The following KIF5C variants were observed in gnomAD, a reference collection of about 807,000 sequenced individuals.
KIF5C encodes kinesin heavy chain isoform 5C.
In KIF5C, 18 loss-of-function variants were observed where a neutral mutation model predicts 125.2. The ratio of observed to expected loss-of-function variants is 0.14; its 90% CI spans 0.10 to 0.21. The LOEUF (loss-of-function observed/expected upper bound fraction) is 0.21, where lower values mean the gene tolerates loss of function less well. Among genes scored for constraint, KIF5C ranks in the 10% least tolerant of loss-of-function variants. The probability of loss-of-function intolerance (pLI) is 1.00; values close to 1 mark genes in which losing one functional copy is unlikely to be tolerated. For synonymous variants in KIF5C, 405 were observed against 434.0 expected, an observed-to-expected ratio of 0.93 and a Z score of 0.83; for missense variants, 780 against 1,183.8, an observed-to-expected ratio of 0.66 and a Z score of 5.01.
At position 148,875,287 on chromosome 2, in the gene KIF5C, G is replaced by C. The variant is rs1426140113; in HGVS notation, c.-331G>C. 2 of 242,204 alleles carry C rather than the reference G, an allele frequency of 8.3e-6. No individual in the cohort carries two copies. Among genetic ancestry groups the C allele is most frequent in the Non-Finnish European group, 1.6e-5 (2 of 126,934 alleles). The allele number at this position is 242,204 out of a possible 1,614,324, so 15.0% of individuals were successfully genotyped here. A position where few individuals can be genotyped will look rare whatever the true frequency, so the allele number is the denominator to read the frequency against. ...CGCAGGAGCCCGGGAGGTCTGAGCC[G>C]GGCGAGGCTCGCTCCCTGCGCATCG... On this transcript the variant is annotated 5_prime_UTR_variant, in exon 1 of 26. Coordinates refer to ENST00000435030, the MANE Select transcript of KIF5C (RefSeq NM_004522.3).
chr2:149,010,975 A>G (rs1472235835), intron 24 of KIF5C, among the ~76,000 whole-genome samples: 2 of 151,752 alleles, frequency 1.3e-5, no homozygotes, highest in Non-Finnish European at 2.9e-5. Flanking sequence ...AAAACAATTT[A>G]GGAATATTCT....
intron 4 of KIF5C, 76 bp from the exon 5 acceptor site, chr2:148,941,534 T>G: frequency 6.5e-7 from 1 of 1,533,838 alleles, no homozygotes; most frequent in East Asian, 2.5e-5. Flanking sequence ...GATGAAAGCT[T>G]TCATAAGTAC....
At chr2:149,015,523 A>T (rs965476259) in intron 25 of KIF5C, among the ~76,000 whole-genome samples, 1 of 152,284 alleles carries the variant, frequency 6.6e-6, no homozygotes, top group East Asian at 1.9e-4. Context: ...TATCTTTGGA[A>T]TTTCCTTCTG....
intron 3 of KIF5C, among the ~76,000 whole-genome samples, chr2:148,937,008 G>A (rs1204856530): frequency 2.0e-5 from 3 of 152,080 alleles, no homozygotes; most frequent in South Asian, 4.1e-4. Context: ...CTCTGATTTT[G>A]TTTCCTTGAG....
chr2:149,010,526 T>C (rs2105200778), intron 24 of KIF5C, among the ~76,000 whole-genome samples, 175 bp downstream of exon 24: 1 of 152,328 alleles, frequency 6.6e-6, no homozygotes, highest in Non-Finnish European at 1.5e-5. Context: ...GGAATGGGAA[T>C]GTCAGGCGCC....
At chr2:148,953,105 C>T (rs1682706640) in intron 10 of KIF5C, among the ~76,000 whole-genome samples, 1 of 152,212 alleles carries the variant, frequency 6.6e-6, no homozygotes, top group African/African-American at 2.4e-5. Flanking sequence ...ATTCTTTTAT[C>T]AGAGTCATCT....
At chr2:148,913,144 C>T (rs544692173) in intron 1 of KIF5C, among the ~76,000 whole-genome samples, 1 of 152,260 alleles carries the variant, frequency 6.6e-6, no homozygotes, top group African/African-American at 2.4e-5. Context: ...AGCCATTGCA[C>T]TCTAGGTTAT....
chr2:149,004,470 T>A (rs1390432896), intron 21 of KIF5C, among the ~76,000 whole-genome samples: 1 of 152,234 alleles, frequency 6.6e-6, no homozygotes, highest in Non-Finnish European at 1.5e-5. Flanking sequence ...TTTGATCTTC[T>A]GATCTTGTTA....
At chr2:149,000,364 C>A in intron 19 of KIF5C, 59 bp from the exon 20 acceptor site, 1 of 1,532,240 alleles carries the variant, frequency 6.5e-7, no homozygotes, top group Non-Finnish European at 8.8e-7. Flanking sequence ...CGGTTTTAGC[C>A]TGATGACTCA....
chr2:148,918,725 G>C (rs1185304227), intron 1 of KIF5C, among the ~76,000 whole-genome samples: 1 of 152,220 alleles, frequency 6.6e-6, no homozygotes, highest in Non-Finnish European at 1.5e-5. Context: ...TGAGGGCAAA[G>C]AGGGTCTAAT....
At chr2:148,968,149 C>T (rs1252537900) in intron 11 of KIF5C, among the ~76,000 whole-genome samples, 2 of 152,212 alleles carry the variant, frequency 1.3e-5, no homozygotes, top group African/African-American at 4.8e-5. Flanking sequence ...ACTGGTGTAT[C>T]TGCAGATTTT....
intron 1 of KIF5C, among the ~76,000 whole-genome samples, chr2:148,917,138 A>AT: frequency 6.6e-6 from 1 of 151,698 alleles, no homozygotes; most frequent in Non-Finnish European, 1.5e-5. Flanking sequence ...GCTTTTTTTA[A>AT]TTTTTTATTT....
intron 21 of KIF5C, among the ~76,000 whole-genome samples, chr2:149,001,537 G>C (rs7592047): frequency 0.016 from 2,421 of 152,294 alleles, 63 homozygotes; most frequent in African/African-American, 0.055. Context: ...GCTTTGGGTG[G>C]AGGAGTGATG....
At chr2:148,965,518 C>A in intron 11 of KIF5C, among the ~76,000 whole-genome samples, 1 of 151,982 alleles carries the variant, frequency 6.6e-6, no homozygotes, top group East Asian at 1.9e-4. Flanking sequence ...AAGTTTCAGG[C>A]GAGAAGGAGA....
chr2:148,968,983 TCTCTG>T (rs1429901058), intron 11 of KIF5C, among the ~76,000 whole-genome samples: 1 of 152,182 alleles, frequency 6.6e-6, no homozygotes, highest in Non-Finnish European at 1.5e-5. Flanking sequence ...AACCAGCAAA[TCTCTG>T]CTCTGGAGTT....
intron 1 of KIF5C, among the ~76,000 whole-genome samples, chr2:148,906,823 A>G (rs1031019835): frequency 1.3e-5 from 2 of 152,062 alleles, no homozygotes; most frequent in African/African-American, 4.8e-5. Context: ...CTGAGATCAT[A>G]CCACTGCACT....
At chr2:148,970,767 C>T (rs928371771) in intron 11 of KIF5C, among the ~76,000 whole-genome samples, 2 of 152,190 alleles carry the variant, frequency 1.3e-5, no homozygotes, top group African/African-American at 2.4e-5. Flanking sequence ...AGTCTATCCC[C>T]GGCCCCTGCC....
chr2:149,003,946 CA>C (rs1681930500), intron 21 of KIF5C, among the ~76,000 whole-genome samples: 1 of 152,140 alleles, frequency 6.6e-6, no homozygotes, highest in Non-Finnish European at 1.5e-5. Flanking sequence ...AGAGTGCATG[CA>C]GGGTGGGCGC....
In KIF5C at chr2:149,015,181, C is replaced by T. The variant is rs976787479; in HGVS notation, c.*7+3498C>T. On this transcript the variant is annotated intron_variant, in intron 25 of 25. Coordinates refer to ENST00000435030, the MANE Select transcript of KIF5C (RefSeq NM_004522.3). ...CCAGCCTAGGTGACAAAGTGAGAGC[C>T]TATCTAAAAAACATATATATATAAT... Among the ~76,000 whole-genome samples the T allele has an allele frequency of 2.0e-5, 3 of 152,016 alleles. No homozygotes were observed. The East Asian group carries it at 5.8e-4, about 29-fold the overall frequency.
Sources: gnomAD v4.1 joint callset for allele counts (sites outside exome capture counted in the v4.1 genomes callset) on GRCh38, gnomAD v4.1.1 for gene constraint, MANE v1.5 for transcripts, NCBI Gene and HGNC (gene_info 2026-07-23, HGNC 2026-07-21) for gene names.